The following DNAJC1 variants were observed in gnomAD, a reference collection of about 807,000 sequenced individuals.
The protein encoded by DNAJC1 is dnaJ homolog subfamily C member 1.
Under a neutral mutation model 76.6 loss-of-function variants are expected in DNAJC1, and 58 were observed. The observed-to-expected ratio is 0.76, with a 90% CI of 0.61 to 0.94. The LOEUF (loss-of-function observed/expected upper bound fraction) is 0.94. Ranked by LOEUF, DNAJC1 falls within the 40% of genes least tolerant of loss-of-function variation. DNAJC1 has a pLI of 0.00. For missense variants in DNAJC1, 689 were observed against 677.3 expected, an observed-to-expected ratio of 1.02 and a Z score of -0.19; for synonymous variants, 258 against 267.9, an observed-to-expected ratio of 0.96 and a Z score of 0.36.
In DNAJC1 at chr10:21,919,931, T is replaced by C. The variant is rs745414907; in HGVS notation, c.538-2A>G. The C allele has an allele frequency of 2.5e-6, 4 of 1,573,982 alleles. No individual in the cohort carries two copies. The highest frequency in any genetic ancestry group is 3.5e-6 in the Non-Finnish European group (4 of 1,154,424). On this transcript the variant is annotated splice_acceptor_variant, in intron 4 of 11. Transcript: ENST00000376980. LOFTEE classifies it high-confidence loss of function. ...CTTTTTTCTACTTAGTAGTTCATCC[T>C]TAATGTGGAAAGAATTATGGTTACA...
At chr10:21,962,459 C>CTTTTTTT (rs34817098) in intron 1 of DNAJC1, among the ~76,000 whole-genome samples, 48 of 39,900 alleles carry the variant, frequency 1.2e-3, no homozygotes, top group Non-Finnish European at 1.5e-3. Context: ...TATTTTATTG[C>CTTTTTTT]TTTTTTTTTT....
intron 8 of DNAJC1, among the ~76,000 whole-genome samples, chr10:21,815,435 T>C (rs968583891): frequency 6.6e-6 from 1 of 152,148 alleles, no homozygotes; most frequent in Non-Finnish European, 1.5e-5. Flanking sequence ...GGCAGAAACA[T>C]ACTGATATTC....
intron 9 of DNAJC1, among the ~76,000 whole-genome samples, chr10:21,780,812 A>G (rs536073253): frequency 4.6e-5 from 7 of 152,334 alleles, no homozygotes; most frequent in Admixed American, 3.3e-4. Context: ...AATTGGATAA[A>G]GAGTCAAGAC....
intron 9 of DNAJC1, among the ~76,000 whole-genome samples, chr10:21,798,024 T>C (rs2131637845): frequency 6.6e-6 from 1 of 152,356 alleles, no homozygotes; most frequent in East Asian, 1.9e-4. Flanking sequence ...TGCATGTACA[T>C]AGCTTTTTAA....
intron 10 of DNAJC1, among the ~76,000 whole-genome samples, chr10:21,763,921 T>C (rs1357320115): frequency 6.6e-6 from 1 of 152,196 alleles, no homozygotes; most frequent in Non-Finnish European, 1.5e-5. Flanking sequence ...ACGTAACACA[T>C]AAGCTCTGCT....
At chr10:21,956,619 TTATTTA>T (rs1407659308) in intron 1 of DNAJC1, among the ~76,000 whole-genome samples, 3 of 150,070 alleles carry the variant, frequency 2.0e-5, no homozygotes, top group Non-Finnish European at 3.0e-5. Flanking sequence ...AATATAATTT[TTATTTA>T]TATATAAAAC....
intron 9 of DNAJC1, among the ~76,000 whole-genome samples, chr10:21,786,313 T>A (rs1205937084): frequency 6.6e-6 from 1 of 151,762 alleles, no homozygotes; most frequent in Non-Finnish European, 1.5e-5. Context: ...AAGAATTTAC[T>A]ATGTAAATTC....
chr10:21,839,978 T>C (rs1564804444), intron 8 of DNAJC1, among the ~76,000 whole-genome samples: 3 of 152,174 alleles, frequency 2.0e-5, no homozygotes, highest in Admixed American at 1.3e-4. Flanking sequence ...ATCCAACATA[T>C]AAACAGAACC....
At chr10:21,783,733 T>C (rs1162059731) in intron 9 of DNAJC1, among the ~76,000 whole-genome samples, 2 of 152,112 alleles carry the variant, frequency 1.3e-5, no homozygotes, top group African/African-American at 4.8e-5. Flanking sequence ...AACAGAGCCC[T>C]CAGAAATAAC....
chr10:21,971,459 T>C (rs1370304588), intron 1 of DNAJC1, among the ~76,000 whole-genome samples: 2 of 151,818 alleles, frequency 1.3e-5, no homozygotes, highest in African/African-American at 2.4e-5. Flanking sequence ...TTTTAAGTCC[T>C]ATGAGAAATC....
intron 8 of DNAJC1, among the ~76,000 whole-genome samples, chr10:21,879,592 C>G (rs901194212): frequency 2.0e-5 from 3 of 152,056 alleles, no homozygotes; most frequent in African/African-American, 7.3e-5. Context: ...CCACTGCACT[C>G]CAGCCTGGGC....
chr10:22,000,446 C>G (rs1838500757), intron 1 of DNAJC1, among the ~76,000 whole-genome samples: 1 of 152,220 alleles, frequency 6.6e-6, no homozygotes, highest in Admixed American at 6.5e-5. Context: ...ACCTATGACT[C>G]AGATCTTGTC....
rs538281494 is a variant in DNAJC1, at chr10:21,907,830, T to A, written c.730-3218A>T. ...CATGTGTACTAAAAATACAAAAAAT[T>A]AGCCAGGTGTGGTGGCAGGCACCTG... On this transcript the variant is annotated intron_variant, in intron 6 of 11. Transcript: ENST00000376980. Among the ~76,000 whole-genome samples the A allele has an allele frequency of 1.5e-3, 219 of 148,656 alleles. 1 individual carries two copies. Among genetic ancestry groups the A allele is most frequent in the African/African-American group, 5.1e-3 (204 of 40,262 alleles).
chr10:21,836,973 C>G (rs1380939073), intron 8 of DNAJC1, among the ~76,000 whole-genome samples: 5 of 152,244 alleles, frequency 3.3e-5, no homozygotes, highest in Non-Finnish European at 5.9e-5. Context: ...CGAAGCTAGA[C>G]TGTACTGCTG....
At chr10:21,779,865 G>A (rs1834504470) in intron 9 of DNAJC1, among the ~76,000 whole-genome samples, 1 of 152,100 alleles carries the variant, frequency 6.6e-6, no homozygotes, top group African/African-American at 2.4e-5. Flanking sequence ...TAGACGAATG[G>A]CTAACTAGAA....
At chr10:21,932,245 TG>T (rs35572694) in intron 1 of DNAJC1, among the ~76,000 whole-genome samples, 1 of 151,774 alleles carries the variant, frequency 6.6e-6, no homozygotes, top group Admixed American at 6.6e-5. Flanking sequence ...GAGGCTGAGG[TG>T]GGGGTGTTAC....
At chr10:21,927,977 C>G (rs553800954) in intron 3 of DNAJC1, among the ~76,000 whole-genome samples, 2 of 152,210 alleles carry the variant, frequency 1.3e-5, no homozygotes, top group East Asian at 3.9e-4. Context: ...GGGAAGGAGG[C>G]AAAAGAAATA....
intron 1 of DNAJC1, among the ~76,000 whole-genome samples, chr10:21,977,706 T>C (rs949264195): frequency 2.0e-5 from 3 of 152,136 alleles, no homozygotes; most frequent in Non-Finnish European, 4.4e-5. Context: ...CCAATACATA[T>C]TTAAGTTAAG....
chr10:21,818,577 T>G (rs539206501), intron 8 of DNAJC1, among the ~76,000 whole-genome samples: 1 of 152,166 alleles, frequency 6.6e-6, no homozygotes, highest in Non-Finnish European at 1.5e-5. Context: ...TTTTGCAGCT[T>G]GTGGGGCATC....
Sources: allele counts gnomAD v4.1 joint callset (sites outside exome capture counted in the v4.1 genomes callset), GRCh38; gene constraint gnomAD v4.1.1; transcripts MANE v1.5; gene names NCBI Gene and HGNC (gene_info 2026-07-23, HGNC 2026-07-21).